Variants in ATP9B observed in about 807,000 individuals in gnomAD.
ATP9B encodes probable phospholipid-transporting ATPase IIB.
A neutral mutation model predicts 146.1 loss-of-function variants in ATP9B; 110 were observed. The ratio of observed to expected loss-of-function variants is 0.75; its 90% CI spans 0.65 to 0.88. ATP9B has a LOEUF of 0.88. Ranked by LOEUF, ATP9B falls within the 40% of genes least tolerant of loss-of-function variation. ATP9B has a pLI of 0.00. For synonymous variants in ATP9B, 604 were observed against 569.7 expected (o/e 1.06, Z -0.86); for missense variants, 1,499 against 1,496.4 (o/e 1.00, Z -0.03).
intron 2 of ATP9B, among the ~76,000 whole-genome samples, chr18:79,105,028 A>T (rs2075561241): frequency 2.0e-5 from 3 of 152,214 alleles, no homozygotes; most frequent in African/African-American, 7.2e-5. Context: ...GGCTGTAATC[A>T]GTCTATATTG....
intron 2 of ATP9B, among the ~76,000 whole-genome samples, chr18:79,106,217 C>T (rs1054205893): frequency 6.6e-6 from 1 of 152,132 alleles, no homozygotes; most frequent in African/African-American, 2.4e-5. Context: ...GAAACTATTT[C>T]GCGTACATAG....
intron 29 of ATP9B, chr18:79,375,667 A>G: frequency 1.0e-6 from 1 of 985,360 alleles, no homozygotes; most frequent in Non-Finnish European, 1.2e-6. Context: ...GCATCCTGCC[A>G]TCTGCTGAGG....
chr18:79,163,307 T>A (rs2094911849), intron 7 of ATP9B, among the ~76,000 whole-genome samples: 1 of 152,216 alleles, frequency 6.6e-6, no homozygotes. Context: ...AGGCATGGCT[T>A]TTTTCTTTAA....
chr18:79,265,943 C>G (rs562595026), intron 12 of ATP9B, among the ~76,000 whole-genome samples: 1 of 152,284 alleles, frequency 6.6e-6, no homozygotes, highest in South Asian at 2.1e-4. Context: ...TCCGGTTTCT[C>G]TCTTCTGCAA....
chr18:79,074,245 G>T (rs1472396262), intron 1 of ATP9B, among the ~76,000 whole-genome samples: 3 of 152,190 alleles, frequency 2.0e-5, no homozygotes, highest in African/African-American at 7.2e-5. Context: ...CTAAAAGATG[G>T]AAGTGTCAGA....
At chr18:79,218,730 A>G (rs1442059831) in intron 11 of ATP9B, among the ~76,000 whole-genome samples, 1 of 152,188 alleles carries the variant, frequency 6.6e-6, no homozygotes, top group African/African-American at 2.4e-5. Context: ...GACCACTGGG[A>G]TAAGAAAATA....
intron 2 of ATP9B, among the ~76,000 whole-genome samples, chr18:79,109,808 C>T (rs192358614): frequency 2.0e-5 from 3 of 152,154 alleles, no homozygotes; most frequent in East Asian, 1.9e-4. Flanking sequence ...TCAGGTGATC[C>T]GCCTGCCTCG....
chr18:79,229,389 A>ATT (rs151241667), intron 11 of ATP9B, among the ~76,000 whole-genome samples: 3,402 of 152,324 alleles, frequency 0.022, 129 homozygotes, highest in African/African-American at 0.077. Context: ...TAAAGTCAAT[A>ATT]ATTTGTTTTG....
chr18:79,155,565 C>CA (rs1472823383), intron 7 of ATP9B, among the ~76,000 whole-genome samples: 14 of 151,970 alleles, frequency 9.2e-5, no homozygotes, highest in Non-Finnish European at 1.9e-4. Flanking sequence ...TATAAATGAA[C>CA]AGTAGTTTTT....
chr18:79,241,232 TTC>T (rs1271705587), intron 11 of ATP9B, among the ~76,000 whole-genome samples: 1 of 152,220 alleles, frequency 6.6e-6, no homozygotes, highest in African/African-American at 2.4e-5. Flanking sequence ...CTGCGTTTTT[TTC>T]TCTGTGTAGA....
At chr18:79,328,989 A>AT (rs1205530040) in intron 15 of ATP9B, 152 bp from the exon 16 acceptor site, 4 of 651,724 alleles carry the variant, frequency 6.1e-6, no homozygotes, top group Non-Finnish European at 9.5e-6. Flanking sequence ...TCAAACGTAT[A>AT]TACTTAGCCG....
chr18:79,183,932 G>T (rs929744460), intron 8 of ATP9B, among the ~76,000 whole-genome samples: 42 of 152,002 alleles, frequency 2.8e-4, no homozygotes, highest in African/African-American at 1.0e-3. Flanking sequence ...CAGGGTATCA[G>T]CGTATCTGTT....
At position 79,253,464 on chromosome 18, in the gene ATP9B, C is replaced by A; in HGVS notation, c.1191C>A (p.Thr397=). The A allele has an allele frequency of 5.0e-6, 8 of 1,613,458 alleles. No individual in the cohort carries two copies. Among genetic ancestry groups the A allele is most frequent in the Non-Finnish European group, 6.8e-6 (8 of 1,179,796 alleles). ...TTGCTCTTTCCATTGTTATGGTAACCTTACAAGGATTTGTGGGTCCATGGT... is the reference window on the plus strand; with the variant it reads ...TTGCTCTTTCCATTGTTATGGTAACATTACAAGGATTTGTGGGTCCATGGT... ...ALVALSIVMV[T]LQGFVGPWYR... Residue 397 remains threonine, a synonymous_variant, in exon 12 of 30, where the codon ACC becomes ACA. Coordinates refer to ENST00000426216, the MANE Select transcript of ATP9B (RefSeq NM_198531.5).
intron 19 of ATP9B, 56 bp downstream of exon 19, chr18:79,337,505 T>G: frequency 6.4e-7 from 1 of 1,570,252 alleles, no homozygotes; most frequent in Non-Finnish European, 8.6e-7. Context: ...CAAACAGTGC[T>G]TTTCCTTGGG....
intron 12 of ATP9B, among the ~76,000 whole-genome samples, chr18:79,276,597 T>C (rs530705064): frequency 3.4e-4 from 52 of 152,306 alleles, no homozygotes; most frequent in African/African-American, 1.1e-3. Flanking sequence ...TGTAAGCCTT[T>C]GGTAGTTGTC....
chr18:79,303,825 C>T (rs1489394151), intron 14 of ATP9B, 109 bp downstream of exon 14: 1 of 651,264 alleles, frequency 1.5e-6, no homozygotes, highest in African/African-American at 1.8e-5. Context: ...TCTTGGTGGT[C>T]TTAACATCCT....
chr18:79,171,719 G>C (rs1007872542), intron 7 of ATP9B, among the ~76,000 whole-genome samples: 9 of 152,172 alleles, frequency 5.9e-5, no homozygotes, highest in Admixed American at 3.3e-4. Context: ...TTGCACCACC[G>C]TGAGGATCTC....
At chr18:79,314,980 A>G (rs2096671742) in intron 15 of ATP9B, among the ~76,000 whole-genome samples, 1 of 152,248 alleles carries the variant, frequency 6.6e-6, no homozygotes, top group South Asian at 2.1e-4. Context: ...TGGTCCAGAA[A>G]GAGTGACTGT....
At chr18:79,112,911 T>C (rs1037392542) in intron 3 of ATP9B, among the ~76,000 whole-genome samples, 36 of 152,306 alleles carry the variant, frequency 2.4e-4, no homozygotes, top group African/African-American at 7.7e-4. Flanking sequence ...TTCATGTTCA[T>C]GTAAAGACTT....
Sources: gnomAD v4.1 joint callset for allele counts (sites outside exome capture counted in the v4.1 genomes callset) on GRCh38, gnomAD v4.1.1 for gene constraint, MANE v1.5 for transcripts, NCBI Gene and HGNC (gene_info 2026-07-23, HGNC 2026-07-21) for gene names.